SLC4A1: variants seen among roughly 807,000 people sequenced by gnomAD.
SLC4A1 encodes the protein band 3 anion transport protein.
Under a neutral mutation model 93.1 loss-of-function variants are expected in SLC4A1, and 29 were observed. That is an observed-to-expected ratio of 0.31 (90% CI 0.23 to 0.42). The LOEUF (loss-of-function observed/expected upper bound fraction) is 0.42. Ranked by LOEUF, SLC4A1 falls within the 20% of genes least tolerant of loss-of-function variation. SLC4A1 has a pLI of 1.00. For synonymous variants in SLC4A1, 469 were observed against 497.2 expected (o/e 0.94, Z 0.76); for missense variants, 965 against 1,190.1 (o/e 0.81, Z 2.78).
At chr17:44,253,499 T>C (rs1050380105) in intron 16 of SLC4A1, 128 bp from the exon 17 acceptor site, 1 of 1,190,776 alleles carries the variant, frequency 8.4e-7, no homozygotes, top group Non-Finnish European at 1.2e-6. Flanking sequence ...TTTGAGTTCC[T>C]TGCTCCCCTC....
At position 44,258,508 on chromosome 17, in the gene SLC4A1, G is replaced by A; in HGVS notation, c.992C>T (p.Ala331Val). 6.2e-7 allele frequency: 1 copy of A among 1,614,018 alleles called. No homozygotes were observed. The highest frequency in any genetic ancestry group is 8.5e-7 in the Non-Finnish European group (1 of 1,179,960). The change falls in exon 10 of 20, where the codon GCA (alanine) becomes GTA (valine). Residue 331 changes from alanine (A) to valine (V), a missense_variant. Coordinates refer to ENST00000262418, the MANE Select transcript of SLC4A1 (RefSeq NM_000342.4). This position sits in a 1 kb window ranked among gnomAD's most constrained non-coding sequence, Gnocchi z 6.1. ...LPPTDAPSEQ[A>V]LLSLVPVQRE... ...CTGCACAGGCACCAGACTGAGCAGT[G>A]CCTGCTCGGAGGGGGCATCGGTGGG...
At chr17:44,254,791 C>T in intron 15 of SLC4A1, 129 bp from the exon 16 acceptor site, 2 of 729,964 alleles carry the variant, frequency 2.7e-6, no homozygotes, top group Non-Finnish European at 4.7e-6. Flanking sequence ...TTATATTGAG[C>T]ACTTGCTCTG....
In SLC4A1 at chr17:44,250,186, C is replaced by T; in HGVS notation, c.*272G>A. 3 of 463,224 alleles carry T rather than the reference C, an allele frequency of 6.5e-6. No individual in the cohort carries two copies. Among genetic ancestry groups the T allele is most frequent in the South Asian group, 2.1e-5 (1 of 46,638 alleles). The allele number at this position is 463,224 out of a possible 1,614,324, so 28.7% of individuals were successfully genotyped here. ...GAGGGCTCAGATCTAAGTCTTCCAG[C>T]ACGGGATCCCCAGTGAAAGTGTGGC... On this transcript the variant is annotated 3_prime_UTR_variant, in exon 20 of 20. Coordinates refer to ENST00000262418, the MANE Select transcript of SLC4A1 (RefSeq NM_000342.4).
intron 1 of SLC4A1, among the ~76,000 whole-genome samples, chr17:44,267,166 A>G (rs1473227668): frequency 6.6e-6 from 1 of 152,198 alleles, no homozygotes; most frequent in Non-Finnish European, 1.5e-5. Flanking sequence ...GCACTATGCT[A>G]AGTTGCCTCC....
chr17:44,255,067 C>G (rs2047376461), intron 15 of SLC4A1, 140 bp downstream of exon 15: 1 of 707,582 alleles, frequency 1.4e-6, no homozygotes, highest in African/African-American at 1.7e-5. Context: ...CATGGGACTC[C>G]CAGAGGAGGC....
intron 13 of SLC4A1, among the ~76,000 whole-genome samples, chr17:44,256,660 T>C (rs2047391777): frequency 6.6e-6 from 1 of 152,236 alleles, no homozygotes; most frequent in Non-Finnish European, 1.5e-5. Context: ...TCACTGTGCA[T>C]GTACTTTCAC....
In SLC4A1 at chr17:44,259,561, C is replaced by T. The variant is rs201699279; in HGVS notation, c.630G>A (p.Gly210=). The T allele has an allele frequency of 6.2e-7, 1 of 1,613,910 alleles. No individual in the cohort carries two copies. The highest frequency in any genetic ancestry group is 1.7e-5 in the Admixed American group (1 of 60,016). The change falls in exon 8 of 20, where the codon GGG becomes GGA. Residue 210 remains glycine (G), a synonymous_variant. Coordinates refer to ENST00000262418, the MANE Select transcript of SLC4A1 (RefSeq NM_000342.4). ...FCEQGDGGTE[G]HSPSGILEKI... ...TTTCCAGAATTCCAGATGGTGAGTGCCCTTCTGTGCCCCCATCTCCCTGTG... is the reference window on the plus strand; with the variant it reads ...TTTCCAGAATTCCAGATGGTGAGTGTCCTTCTGTGCCCCCATCTCCCTGTG...
At chr17:44,262,039 G>T in intron 3 of SLC4A1, 2 of 1,179,060 alleles carry the variant, frequency 1.7e-6, no homozygotes, top group Non-Finnish European at 2.1e-6. Context: ...GCCTCAATGA[G>T]CCCGTCAGCA....
At chr17:44,264,490 G>T (rs1043530939) in intron 1 of SLC4A1, among the ~76,000 whole-genome samples, 1 of 152,086 alleles carries the variant, frequency 6.6e-6, no homozygotes, top group African/African-American at 2.4e-5. Context: ...AAACCAATAC[G>T]TGGTTTCTTG....
rs767243337 is a variant in SLC4A1 at position 44,251,593 on chromosome 17, G to C, written c.2312-5C>G. On this transcript the variant is annotated splice_polypyrimidine_tract_variant and splice_region_variant and intron_variant, in intron 17 of 19. Coordinates refer to ENST00000262418, the MANE Select transcript of SLC4A1 (RefSeq NM_000342.4). Reference sequence around the variant, plus strand: ...GCTCCATGAGGATGGACAGGCCTGTGGGGGAGCCGCACACTCTCAGCCCAG... The same window carrying C: ...GCTCCATGAGGATGGACAGGCCTGTCGGGGAGCCGCACACTCTCAGCCCAG... 3 of 1,613,784 alleles carry C rather than the reference G, an allele frequency of 1.9e-6. No individual in the cohort carries two copies. The highest frequency in any genetic ancestry group is 2.5e-6 in the Non-Finnish European group (3 of 1,179,948).
chr17:44,257,259 T>G, intron 13 of SLC4A1, 91 bp downstream of exon 13: 2 of 1,318,692 alleles, frequency 1.5e-6, no homozygotes, highest in Non-Finnish European at 1.1e-6. Context: ...CCCAAAGTTC[T>G]GAGATTACAG....
chr17:44,265,439 G>T (rs1247865492), intron 1 of SLC4A1, among the ~76,000 whole-genome samples: 2 of 152,074 alleles, frequency 1.3e-5, no homozygotes, highest in Non-Finnish European at 2.9e-5. Flanking sequence ...GCGCGATCTT[G>T]GCTCACTGCA....
intron 16 of SLC4A1, 34 bp downstream of exon 16, chr17:44,254,462 C>CCCCG: frequency 8.1e-7 from 1 of 1,234,938 alleles, no homozygotes; most frequent in East Asian, 2.6e-5. Context: ...CTGCCTCCCA[C>CCCCG]CCTCCCAGGC....
rs886052999 is a variant in SLC4A1, at chr17:44,257,644, C to A, written c.1431+15G>T. On this transcript the variant is annotated intron_variant, in intron 12 of 19. Transcript: ENST00000262418. Reference sequence around the variant, plus strand: ...GGGGGACATGACAGGGTCAGTGGGGCAAGGACAGAACTACCGAGAAGAAGG... The same window carrying A: ...GGGGGACATGACAGGGTCAGTGGGGAAAGGACAGAACTACCGAGAAGAAGG... 3.1e-6 allele frequency: 5 copies of A among 1,613,500 alleles called. No homozygotes were observed. In the African/African-American group the frequency reaches 4.0e-5, roughly 13 times the overall value.
At chr17:44,254,347 C>T in intron 16 of SLC4A1, 149 bp downstream of exon 16, 2 of 728,906 alleles carry the variant, frequency 2.7e-6, no homozygotes, top group Non-Finnish European at 4.8e-6. Flanking sequence ...GGAACTGCCC[C>T]TGGCTTTTCA....
chr17:44,263,124 G>A (rs2047461709), intron 1 of SLC4A1, among the ~76,000 whole-genome samples, 190 bp from the exon 2 acceptor site: 1 of 152,172 alleles, frequency 6.6e-6, no homozygotes, highest in South Asian at 2.1e-4. Flanking sequence ...GCAGGGGCTG[G>A]GAGAGAGGGG....
rs2144615807 is a variant in SLC4A1 at position 44,258,691 on chromosome 17, C to A, written c.877-68G>T. 2.0e-6 allele frequency: 3 copies of A among 1,463,930 alleles called. No homozygotes were observed. In the East Asian group the frequency reaches 7.4e-5, roughly 36 times the overall value. The allele number at this position is 1,463,930 out of a possible 1,614,324, so 90.7% of individuals were successfully genotyped here. A position where few individuals can be genotyped will look rare whatever the true frequency, so the allele number is the denominator to read the frequency against. On this transcript the variant is annotated intron_variant, in intron 9 of 19. Coordinates refer to ENST00000262418, the MANE Select transcript of SLC4A1 (RefSeq NM_000342.4). This position sits in a 1 kb window ranked among gnomAD's most constrained non-coding sequence, Gnocchi z 6.1. ...GGGAAAGGACCCAGGAGTCCACAGCCAGGGCCTCCAGGAACCAGAACCCCC... is the reference window on the plus strand; with the variant it reads ...GGGAAAGGACCCAGGAGTCCACAGCAAGGGCCTCCAGGAACCAGAACCCCC...
At chr17:44,260,357 A>T (rs749157841) in intron 6 of SLC4A1, 47 bp downstream of exon 6, 2 of 1,590,924 alleles carry the variant, frequency 1.3e-6, no homozygotes, top group African/African-American at 1.3e-5. Context: ...GGGCTGGGGA[A>T]GTGGGCCCAC....
chr17:44,252,608 G>A (rs897946647), intron 17 of SLC4A1, among the ~76,000 whole-genome samples: 7 of 152,116 alleles, frequency 4.6e-5, no homozygotes, highest in African/African-American at 1.2e-4. Flanking sequence ...AACCCAGCTC[G>A]ACTCTTGGCT....
Sources: gnomAD v4.1 joint callset for allele counts (sites outside exome capture counted in the v4.1 genomes callset) on GRCh38, gnomAD v4.1.1 for gene constraint, Gnocchi (gnomAD v3.1) non-coding constraint, MANE v1.5 for transcripts, NCBI Gene and HGNC (gene_info 2026-07-23, HGNC 2026-07-21) for gene names.